The following LYRM7 variants were observed in gnomAD, a reference collection of about 807,000 sequenced individuals.
LYRM7 encodes the protein LYR motif containing 7.
A neutral mutation model predicts 15.8 loss-of-function variants in LYRM7; 9 were observed. The ratio of observed to expected loss-of-function variants is 0.57; its 90% confidence interval spans 0.34 to 0.99. LYRM7 has a LOEUF of 0.99. Among genes scored for constraint, LYRM7 ranks in the 50% least tolerant of loss-of-function variants. The probability of loss-of-function intolerance (pLI) is 0.02; values close to 1 mark genes in which losing one functional copy is unlikely to be tolerated. For synonymous variants in LYRM7, 39 were observed against 39.4 expected (o/e 0.99, Z 0.04); for missense variants, 115 against 119.1 (o/e 0.97, Z 0.16).
chr5:131,194,186 C>G (rs917910243), intron 4 of LYRM7, among the ~76,000 whole-genome samples: 3 of 152,030 alleles, frequency 2.0e-5, no homozygotes, highest in African/African-American at 7.2e-5. Flanking sequence ...ATGTGGAAAG[C>G]AAAGTCAGGG....
intron 4 of LYRM7, among the ~76,000 whole-genome samples, chr5:131,193,268 C>T (rs771172574): frequency 1.8e-4 from 28 of 152,252 alleles, no homozygotes; most frequent in African/African-American, 5.5e-4. Flanking sequence ...TTATGCTAGA[C>T]GCCAGGGATA....
At chr5:131,187,906 T>C (rs1333740433) in intron 4 of LYRM7, among the ~76,000 whole-genome samples, 1 of 152,200 alleles carries the variant, frequency 6.6e-6, no homozygotes, top group African/African-American at 2.4e-5. Flanking sequence ...TTTCACATAA[T>C]ATTTTGTTTT....
chr5:131,197,483 T>G (rs1755983969), intron 4 of LYRM7, among the ~76,000 whole-genome samples: 1 of 151,862 alleles, frequency 6.6e-6, no homozygotes, highest in South Asian at 2.1e-4. Context: ...TCTTTCTTAA[T>G]TAAGTGAAAT....
At chr5:131,185,355 G>C (rs1755781124) in intron 3 of LYRM7, among the ~76,000 whole-genome samples, 1 of 152,030 alleles carries the variant, frequency 6.6e-6, no homozygotes, top group Non-Finnish European at 1.5e-5. Context: ...GAGGGTCCTT[G>C]AATTTACCAA....
At position 131,205,343 on chromosome 5, in the gene LYRM7, G is replaced by A. The variant is rs1174552738; in HGVS notation, c.*5742G>A. On this transcript the variant is annotated 3_prime_UTR_variant, in exon 5 of 5. Coordinates refer to ENST00000379380, the MANE Select transcript of LYRM7 (RefSeq NM_181705.4). ...TTTTCATCATACATTAGGTTTTGGC[G>A]ATTTAGCCATAATTTGGCATGAATT... 3 of 152,248 alleles carry A rather than the reference G, an allele frequency of 2.0e-5. No individual in the cohort carries two copies. Among genetic ancestry groups the A allele is most frequent in the African/African-American group, 4.8e-5 (2 of 41,552 alleles). The allele number at this position is 152,248 out of a possible 1,614,324, so 9.4% of individuals were successfully genotyped here.
intron 1 of LYRM7, among the ~76,000 whole-genome samples, chr5:131,178,895 G>T (rs888876501): frequency 6.7e-6 from 1 of 149,170 alleles, no homozygotes; most frequent in Non-Finnish European, 1.5e-5. Flanking sequence ...TCGGGAGGTG[G>T]AGGTTGCAGT....
chr5:131,172,344 T>C (rs939364129), intron 1 of LYRM7, among the ~76,000 whole-genome samples: 33 of 152,018 alleles, frequency 2.2e-4, no homozygotes, highest in African/African-American at 7.5e-4. Flanking sequence ...ACCTGGGAGG[T>C]GGAGGTTGCA....
intron 1 of LYRM7, among the ~76,000 whole-genome samples, chr5:131,175,311 T>G (rs1222892822): frequency 6.7e-6 from 1 of 149,776 alleles, no homozygotes; most frequent in African/African-American, 2.5e-5. Flanking sequence ...GCAATTCCCC[T>G]GCCTCAGCCT....
At position 131,202,956 on chromosome 5, in the gene LYRM7, A is replaced by G. The variant is rs1412976353; in HGVS notation, c.*3355A>G. The G allele has an allele frequency of 2.0e-5, 3 of 152,376 alleles. No homozygotes were observed. Among genetic ancestry groups the G allele is most frequent in the Non-Finnish European group, 4.4e-5 (3 of 68,046 alleles). The allele number at this position is 152,376 out of a possible 1,614,324, so 9.4% of individuals were successfully genotyped here. A position where few individuals can be genotyped will look rare whatever the true frequency, so the allele number is the denominator to read the frequency against. On this transcript the variant is annotated 3_prime_UTR_variant, in exon 5 of 5. Transcript: ENST00000379380. ...AGGTAGTTTGTACAACATCTAATTC[A>G]GAACATTAAAATTAAGATTTTAGTC...
chr5:131,179,975 A>G (rs963043088), intron 1 of LYRM7, 120 bp from the exon 2 acceptor site: 22 of 665,752 alleles, frequency 3.3e-5, no homozygotes, highest in African/African-American at 3.7e-5. Flanking sequence ...GGGTCTCACC[A>G]TATCGCCCAG....
intron 3 of LYRM7, among the ~76,000 whole-genome samples, chr5:131,182,746 A>G (rs778031126): frequency 3.3e-5 from 5 of 152,270 alleles, no homozygotes; most frequent in Admixed American, 2.0e-4. Context: ...TGCTTTCTGT[A>G]TTTGCATTTT....
chr5:131,182,630 A>T (rs1174366857), intron 3 of LYRM7, among the ~76,000 whole-genome samples: 1 of 152,232 alleles, frequency 6.6e-6, no homozygotes, highest in Non-Finnish European at 1.5e-5. Context: ...AGTAACTCAG[A>T]ACTACAGAGG....
chr5:131,181,395 TATTATATATACATATATATG>T (rs1755703104), intron 2 of LYRM7, among the ~76,000 whole-genome samples: 1 of 98,062 alleles, frequency 1.0e-5, no homozygotes, highest in African/African-American at 6.3e-5. Flanking sequence ...TATACATATA[TATTATATATACATATATATG>T]TTTATATATA....
intron 1 of LYRM7, among the ~76,000 whole-genome samples, chr5:131,171,933 C>G (rs1755529164): frequency 6.6e-6 from 1 of 152,138 alleles, no homozygotes; most frequent in Admixed American, 6.5e-5. Flanking sequence ...ATTATTATAG[C>G]CAACAACCAA....
intron 1 of LYRM7, among the ~76,000 whole-genome samples, chr5:131,175,197 CTTTTT>C (rs59140330): frequency 3.2e-5 from 4 of 125,644 alleles, no homozygotes. Flanking sequence ...GCTTCAATCT[CTTTTT>C]TTTTTTTTTT....
In LYRM7 at chr5:131,204,846, C is replaced by T. The variant is rs1449268612; in HGVS notation, c.*5245C>T. ...ATATATATGTACAAATGGGTAGAAACGATACATGATTAATCTTAATCGGGA... is the reference window on the plus strand; with the variant it reads ...ATATATATGTACAAATGGGTAGAAATGATACATGATTAATCTTAATCGGGA... On this transcript the variant is annotated 3_prime_UTR_variant, in exon 5 of 5. Coordinates refer to ENST00000379380, the MANE Select transcript of LYRM7 (RefSeq NM_181705.4). The T allele has an allele frequency of 6.6e-6, 1 of 151,356 alleles. No individual in the cohort carries two copies. Among genetic ancestry groups the T allele is most frequent in the Non-Finnish European group, 1.5e-5 (1 of 67,912 alleles). The allele number at this position is 151,356 out of a possible 1,614,324, so 9.4% of individuals were successfully genotyped here.
chr5:131,173,338 G>C (rs1393921891), intron 1 of LYRM7, among the ~76,000 whole-genome samples: 1 of 152,238 alleles, frequency 6.6e-6, no homozygotes, highest in Non-Finnish European at 1.5e-5. Context: ...CGGCGACGAA[G>C]TGTATATTGC....
rs1408861487 is a variant in LYRM7, at chr5:131,182,234, AG to A, written c.98del (p.Arg33LysfsTer2). 2 of 1,431,132 alleles carry A rather than the reference AG, an allele frequency of 1.4e-6. No individual in the cohort carries two copies. Among genetic ancestry groups the A allele is most frequent in the Non-Finnish European group, 1.9e-6 (2 of 1,053,026 alleles). The allele number at this position is 1,431,132 out of a possible 1,614,324, so 88.7% of individuals were successfully genotyped here. On this transcript the variant is annotated frameshift_variant, in exon 3 of 5. Transcript: ENST00000379380. LOFTEE classifies it high-confidence loss of function. ...KNDARALEAA[R>X]IKINEEFKNN... Reference sequence around the variant, plus strand: ...ATGTATTTTTCTCTTTGTAGCAGCCAGAATAAAGATAAATGAAGAATTCAAA... The same window carrying A: ...ATGTATTTTTCTCTTTGTAGCAGCCAAATAAAGATAAATGAAGAATTCAAA...
intron 4 of LYRM7, among the ~76,000 whole-genome samples, chr5:131,198,158 AT>A (rs1183727372): frequency 6.6e-6 from 1 of 152,062 alleles, no homozygotes; most frequent in Non-Finnish European, 1.5e-5. Context: ...CTTAGAGTAT[AT>A]TTTTTTAAGA....
Sources: gnomAD v4.1 joint callset for allele counts (sites outside exome capture counted in the v4.1 genomes callset) on GRCh38, gnomAD v4.1.1 for gene constraint, MANE v1.5 for transcripts, NCBI Gene and HGNC (gene_info 2026-07-23, HGNC 2026-07-21) for gene names.